The following MFN1 variants were observed in gnomAD, a reference collection of about 807,000 sequenced individuals.
MFN1 encodes mitofusin 1, also known as mitofusin-1.
MFN1 carries 65 observed loss-of-function variants against 92.4 expected under a neutral mutation model. The observed-to-expected ratio is 0.70, with a 90% confidence interval of 0.58 to 0.86. The LOEUF (loss-of-function observed/expected upper bound fraction) is 0.86, where lower values mean the gene tolerates loss of function less well. MFN1 is among the 40% of genes least tolerant of loss of function. The pLI is 0.00. For missense variants in MFN1, 781 were observed against 868.0 expected, an observed-to-expected ratio of 0.90 and a Z score of 1.26; for synonymous variants, 297 against 300.9, an observed-to-expected ratio of 0.99 and a Z score of 0.13.
chr3:179,372,073 T>C (rs1212898363), intron 9 of MFN1, among the ~76,000 whole-genome samples: 1 of 147,296 alleles, frequency 6.8e-6, no homozygotes, highest in East Asian at 1.9e-4. Flanking sequence ...TTATATATTA[T>C]ATAATACATA....
At chr3:179,365,776 C>A (rs1426559138) in intron 7 of MFN1, among the ~76,000 whole-genome samples, 1 of 152,190 alleles carries the variant, frequency 6.6e-6, no homozygotes, top group Non-Finnish European at 1.5e-5. Flanking sequence ...TTATATAATA[C>A]CTGCTCTTGC....
At chr3:179,360,556 A>T (rs1577004296) in intron 4 of MFN1, among the ~76,000 whole-genome samples, 1 of 152,112 alleles carries the variant, frequency 6.6e-6, no homozygotes. Context: ...AGCCAAAAAA[A>T]AAAAAAAATA....
At chr3:179,369,707 AG>A (rs984444223) in intron 9 of MFN1, among the ~76,000 whole-genome samples, 10 of 152,162 alleles carry the variant, frequency 6.6e-5, no homozygotes, top group African/African-American at 2.4e-4. Flanking sequence ...CCCCAGATCC[AG>A]GGGGTTGGGG....
intron 3 of MFN1, among the ~76,000 whole-genome samples, chr3:179,353,367 C>T (rs1712229818): frequency 1.3e-5 from 2 of 149,124 alleles, no homozygotes; most frequent in African/African-American, 2.5e-5. Flanking sequence ...CGCCTGGCCC[C>T]AGCATAATTT....
intron 17 of MFN1, 133 bp from the exon 18 acceptor site, chr3:179,391,848 A>G (rs1713913166): frequency 3.4e-6 from 2 of 592,220 alleles, no homozygotes; most frequent in Non-Finnish European, 6.0e-6. Flanking sequence ...TATCCCGTGT[A>G]AGGTATGATT....
At chr3:179,381,306 A>G (rs916379230) in intron 14 of MFN1, among the ~76,000 whole-genome samples, 5 of 152,240 alleles carry the variant, frequency 3.3e-5, no homozygotes, top group African/African-American at 1.2e-4. Flanking sequence ...CATTCAGCAC[A>G]ATGTCTTATT....
intron 4 of MFN1, among the ~76,000 whole-genome samples, chr3:179,361,532 C>G (rs1231665969): frequency 6.6e-6 from 1 of 151,526 alleles, no homozygotes; most frequent in East Asian, 1.9e-4. Flanking sequence ...AAATGTTTAT[C>G]TCTCACTTTT....
chr3:179,385,639 A>G lies in MFN1; in HGVS notation c.1733A>G (p.Glu578Gly). ...GCAACGCCAGATAATGCATCACAGGAAGAACTCATGATTACATTAGTAACA... is the reference window on the plus strand; with the variant it reads ...GCAACGCCAGATAATGCATCACAGGGAGAACTCATGATTACATTAGTAACA... ...TPATPDNASQ[E>G]ELMITLVTGL... is the part of the protein sequence containing the mutation. The change falls in exon 15 of 18, where the codon GAA becomes GGA. Residue 578 changes from glutamate to glycine, a missense_variant. Physicochemically the swap from Glu to Gly is moderately conservative, Grantham distance 98. Transcript: ENST00000471841. The G allele has an allele frequency of 6.2e-7, 1 of 1,613,838 alleles. No individual in the cohort carries two copies. Among genetic ancestry groups the G allele is most frequent in the Non-Finnish European group, 8.5e-7 (1 of 1,179,912 alleles).
Position 179,392,035 on chromosome 3 carries a change from A to T in MFN1, c.2202A>T (p.Leu734=). 1 of 1,611,194 alleles carries T rather than the reference A, an allele frequency of 6.2e-7. No individual in the cohort carries two copies. Among genetic ancestry groups the T allele is most frequent in the Non-Finnish European group, 8.5e-7 (1 of 1,177,824 alleles). The change falls in exon 18 of 18, where the codon CTA becomes CTT. Residue 734 remains leucine (L), a synonymous_variant. Transcript: ENST00000471841. ...TGGAGAATTTTACTAAGCAGTTTCT[A>T]CCTTCAAGCAATGAAGAATCCTAAC... ...NELENFTKQF[L]PSSNEES
At chr3:179,375,127 G>T in intron 9 of MFN1, 93 bp from the exon 10 acceptor site, 10 of 1,333,854 alleles carry the variant, frequency 7.5e-6, no homozygotes, top group East Asian at 2.7e-5. Flanking sequence ...TTCTGTTTGG[G>T]TTAAAGTTAC....
intron 14 of MFN1, among the ~76,000 whole-genome samples, chr3:179,379,969 T>C (rs1044609682): frequency 2.0e-5 from 3 of 152,158 alleles, no homozygotes; most frequent in Admixed American, 6.5e-5. Context: ...GATCATGCAT[T>C]GAAAGAGTGG....
Position 179,368,033 on chromosome 3 carries a change from C to G in MFN1, c.908-3C>G, listed in dbSNP as rs1176963436. 1 of 1,545,780 alleles carries G rather than the reference C, an allele frequency of 6.5e-7. No homozygotes were observed. Among genetic ancestry groups the G allele is most frequent in the African/African-American group, 1.4e-5 (1 of 72,008 alleles). ...TTTTTAAATCTTTGCCTGTACGTTA[C>G]AGGTGTGGCACTTGCTGAAGGATTT... is the stretch of plus-strand genomic sequence containing the variant. On this transcript the variant is annotated splice_region_variant and splice_polypyrimidine_tract_variant and intron_variant, in intron 8 of 17. Transcript: ENST00000471841.
Position 179,392,242 on chromosome 3 carries a change from T to A in MFN1, c.*183T>A. 1 of 430,508 alleles carries A rather than the reference T, an allele frequency of 2.3e-6. No individual in the cohort carries two copies. Among genetic ancestry groups the A allele is most frequent in the Non-Finnish European group, 4.2e-6 (1 of 239,266 alleles). The allele number at this position is 430,508 out of a possible 1,614,324, so 26.7% of individuals were successfully genotyped here. A position where few individuals can be genotyped will look rare whatever the true frequency, so the allele number is the denominator to read the frequency against. On this transcript the variant is annotated 3_prime_UTR_variant, in exon 18 of 18. Coordinates refer to ENST00000471841, the MANE Select transcript of MFN1 (RefSeq NM_033540.3). ...ATGTGTATTTTTGAAGAGTGTTATG[T>A]CCTTAGTTTTAATTTTGAGTAAAGA... is the stretch of plus-strand genomic sequence containing the variant.
chr3:179,359,576 A>G (rs1478853586), intron 4 of MFN1: 4 of 140,660 alleles, frequency 2.8e-5, no homozygotes, highest in Non-Finnish European at 6.1e-5. Flanking sequence ...GCGCACCATC[A>G]TGCCCAGCTA....
At chr3:179,360,671 C>T (rs894912072) in intron 4 of MFN1, among the ~76,000 whole-genome samples, 3 of 152,118 alleles carry the variant, frequency 2.0e-5, no homozygotes, top group African/African-American at 7.2e-5. Flanking sequence ...CTAAAGATCT[C>T]TTCCACAAAC....
Position 179,386,418 on chromosome 3 carries a change from G to C in MFN1, c.1816-15G>C, listed in dbSNP as rs772429855. The C allele has an allele frequency of 6.2e-7, 1 of 1,604,648 alleles. No homozygotes were observed. The highest frequency in any genetic ancestry group is 8.5e-7 in the Non-Finnish European group (1 of 1,175,406). On this transcript the variant is annotated splice_polypyrimidine_tract_variant and intron_variant, in intron 15 of 17. Coordinates refer to ENST00000471841, the MANE Select transcript of MFN1 (RefSeq NM_033540.3). ...GTTTTTCCTTCTCAGACTAAGCTAT[G>C]ACTTTATCTTACAGATTTGGAAAAC...
intron 16 of MFN1, among the ~76,000 whole-genome samples, chr3:179,389,696 T>A (rs1295578691): frequency 6.6e-6 from 1 of 152,202 alleles, no homozygotes; most frequent in Non-Finnish European, 1.5e-5. Flanking sequence ...TCTTGATAAT[T>A]TCTTACTTTG....
chr3:179,367,932 A>G, intron 8 of MFN1, 104 bp from the exon 9 acceptor site: 1 of 498,644 alleles, frequency 2.0e-6, no homozygotes, highest in Non-Finnish European at 2.7e-6. Flanking sequence ...TCGGGGGAAA[A>G]AGTATATATA....
At chr3:179,370,895 C>A (rs1417936976) in intron 9 of MFN1, among the ~76,000 whole-genome samples, 1 of 152,120 alleles carries the variant, frequency 6.6e-6, no homozygotes, top group Non-Finnish European at 1.5e-5. Flanking sequence ...CAATATAAGA[C>A]TTTTTAAAAT....
Sources: allele counts gnomAD v4.1 joint callset (sites outside exome capture counted in the v4.1 genomes callset), GRCh38; gene constraint gnomAD v4.1.1; transcripts MANE v1.5; gene names NCBI Gene and HGNC (gene_info 2026-07-23, HGNC 2026-07-21).